Variants in NEB observed in about 807,000 individuals in gnomAD.
NEB encodes nemaline myopathy type 2.
A neutral mutation model predicts 952.2 loss-of-function variants in NEB; 512 were observed. The observed-to-expected ratio is 0.54, with a 90% CI of 0.50 to 0.58. The LOEUF is 0.58. Ranked by LOEUF, NEB falls within the 20% of genes least tolerant of loss-of-function variation. NEB has a pLI of 0.00. For missense variants in NEB, 8,428 were observed against 9,231.1 expected (o/e 0.91, Z 3.56); for synonymous variants, 2,900 against 3,149.8 (o/e 0.92, Z 2.66).
rs377336846 is a variant in NEB, at chr2:151,492,146, C to T, written c.25009G>A (p.Val8337Ile). The change falls in exon 178 of 182, where the codon GTA becomes ATA. Residue 8337 changes from valine to isoleucine, a missense_variant. Transcript: ENST00000397345. ...INYRGIQRKV[V>I]EMEQKRNDQD... ...TCATTCCGTTTTTGTTCCATTTCTACCACTTTCCTCTGAATACCTCGGTAG... is the reference window on the plus strand; with the variant it reads ...TCATTCCGTTTTTGTTCCATTTCTATCACTTTCCTCTGAATACCTCGGTAG... The T allele has an allele frequency of 8.7e-6, 14 of 1,613,804 alleles. No homozygotes were observed. The African/African-American group carries it at 9.3e-5, about 11-fold the overall frequency.
intron 32 of NEB, among the ~76,000 whole-genome samples, chr2:151,678,787 G>T (rs1476259040): frequency 6.6e-6 from 1 of 152,086 alleles, no homozygotes; most frequent in Non-Finnish European, 1.5e-5. Flanking sequence ...ATGAGGGAAG[G>T]TTCGTGGAAA....
At chr2:151,570,475 G>A in intron 108 of NEB, 22 bp downstream of exon 108, 1 of 1,583,060 alleles carries the variant, frequency 6.3e-7, no homozygotes, top group Non-Finnish European at 8.6e-7. Context: ...AAAAAACTGA[G>A]AAGTTAAAAA....
chr2:151,496,150 A>AAT, intron 173 of NEB, 126 bp downstream of exon 173: 3 of 1,133,238 alleles, frequency 2.6e-6, no homozygotes, highest in Non-Finnish European at 3.8e-6. Context: ...AAAAAGGGTA[A>AAT]ATTTGCTAAA....
chr2:151,710,758 C>T (rs1202288054), intron 10 of NEB, among the ~76,000 whole-genome samples: 3 of 152,164 alleles, frequency 2.0e-5, no homozygotes, highest in African/African-American at 7.2e-5. Context: ...GGTACTAACG[C>T]CCCCTCCCCT....
chr2:151,629,673 A>G, intron 67 of NEB, 27 bp from the exon 68 acceptor site: 6 of 1,581,496 alleles, frequency 3.8e-6, no homozygotes, highest in Non-Finnish European at 5.2e-6. Flanking sequence ...AAAGAGTTAA[A>G]GCAAAAGGTT....
At chr2:151,726,624 A>T (rs1577987388) in intron 5 of NEB, among the ~76,000 whole-genome samples, 1 of 152,342 alleles carries the variant, frequency 6.6e-6, no homozygotes, top group Admixed American at 6.5e-5. Flanking sequence ...TGAATCAGTC[A>T]GTGTAACTTA....
In NEB at chr2:151,554,030, A is replaced by G. The variant is rs758585933; in HGVS notation, c.19429-5T>C. 1.2e-5 allele frequency: 19 copies of G among 1,613,200 alleles called. No homozygotes were observed. Among genetic ancestry groups the G allele is most frequent in the East Asian group, 6.7e-5 (3 of 44,868 alleles). On this transcript the variant is annotated splice_region_variant and splice_polypyrimidine_tract_variant and intron_variant, in intron 125 of 181. Transcript: ENST00000397345. Reference sequence around the variant, plus strand: ...ATAAACTGATCTGTACAGGCGCTGTAAAGTTAAAATCACATGCCAGTTATA... The same window carrying G: ...ATAAACTGATCTGTACAGGCGCTGTGAAGTTAAAATCACATGCCAGTTATA...
intron 135 of NEB, among the ~76,000 whole-genome samples, chr2:151,543,861 C>T (rs550679734): frequency 1.3e-5 from 2 of 152,304 alleles, no homozygotes; most frequent in African/African-American, 4.8e-5. Flanking sequence ...ATTGCTTATG[C>T]TTCTTGGGAC....
chr2:151,506,119 T>C (rs983961083), intron 164 of NEB, 47 bp downstream of exon 164: 2 of 1,480,334 alleles, frequency 1.4e-6, no homozygotes, highest in Non-Finnish European at 1.9e-6. Flanking sequence ...TTGTAAATTA[T>C]CAAAGGGAGG....
intron 105 of NEB, among the ~76,000 whole-genome samples, chr2:151,578,725 G>GGGAA (rs1039402097): frequency 1.4e-5 from 2 of 146,688 alleles, no homozygotes; most frequent in African/African-American, 2.5e-5. Context: ...GAAGGAAGGA[G>GGGAA]GGAAGGAAGG....
Position 151,640,532 on chromosome 2 carries a change from A to G in NEB, c.8508T>C (p.Phe2836=). Residue 2836 remains phenylalanine (F), a synonymous_variant, in exon 61 of 182, where the codon TTT becomes TTC. Transcript: ENST00000397345. The part of the protein sequence containing the change: ...IQSDREYKKD[F]EKWKTKFSSP... The stretch of plus-strand genomic sequence containing the variant: ...TGCTGAACTTGGTCTTCCACTTCTC[A>G]AAGTCCTTCTTGTACTCCCTGTCAC... 1.2e-6 allele frequency: 2 copies of G among 1,613,832 alleles called. No homozygotes were observed.
At position 151,643,219 on chromosome 2, in the gene NEB, A is replaced by C; in HGVS notation, c.8091T>G (p.Phe2697Leu). 4 of 1,613,964 alleles carry C rather than the reference A, an allele frequency of 2.5e-6. No individual in the cohort carries two copies. The highest frequency in any genetic ancestry group is 2.5e-6 in the Non-Finnish European group (3 of 1,179,854). Residue 2697 changes from phenylalanine to leucine, a missense_variant, in exon 58 of 182, where the codon TTT (phenylalanine) becomes TTG (leucine). Physicochemically the swap from Phe to Leu is conservative, Grantham distance 22. This residue lies in a region of NEB where 1,772 missense variants were observed against 1,960.3 expected (regional missense o/e 0.90). Coordinates refer to ENST00000397345, the MANE Select transcript of NEB (RefSeq NM_001164508.2). ...TGGAATCCATAAGGCTGGAAAACTTAAATTGATCTGGGTGCTGACGGTAAA... is the reference window on the plus strand; with the variant it reads ...TGGAATCCATAAGGCTGGAAAACTTCAATTGATCTGGGTGCTGACGGTAAA... ...DHVYRQHPDQ[F>L]KFSSLMDSIP...
chr2:151,495,998 G>C (rs187180051), intron 173 of NEB, among the ~76,000 whole-genome samples: 1 of 152,146 alleles, frequency 6.6e-6, no homozygotes, highest in African/African-American at 2.4e-5. Context: ...AGAGACCTTG[G>C]GGGTAGTGGA....
chr2:151,489,519 T>A (rs1180153195), intron 181 of NEB, among the ~76,000 whole-genome samples: 2 of 152,212 alleles, frequency 1.3e-5, no homozygotes, highest in East Asian at 3.9e-4. Context: ...CCACCTCAAC[T>A]TCCTCAGTAG....
chr2:151,712,866 C>T (rs2150144601), intron 10 of NEB, among the ~76,000 whole-genome samples: 1 of 152,090 alleles, frequency 6.6e-6, no homozygotes, highest in African/African-American at 2.4e-5. Context: ...TTCAACCTTC[C>T]CAACATCCAA....
rs953645324 is a variant in NEB at position 151,733,811 on chromosome 2, G to T, written c.-113-16C>A. On this transcript the variant is annotated splice_polypyrimidine_tract_variant and intron_variant, in intron 1 of 181. Coordinates refer to ENST00000397345, the MANE Select transcript of NEB (RefSeq NM_001164508.2). ...TCGTTCAAACCTGAAAAATAACAAA[G>T]TTGTAAAGCATTGATTGAGGTACAT... 3 of 152,162 alleles carry T rather than the reference G, an allele frequency of 2.0e-5. No homozygotes were observed. Among genetic ancestry groups the T allele is most frequent in the African/African-American group, 7.2e-5 (3 of 41,432 alleles). The allele number at this position is 152,162 out of a possible 1,614,324, so 9.4% of individuals were successfully genotyped here. A position where few individuals can be genotyped will look rare whatever the true frequency, so the allele number is the denominator to read the frequency against.
chr2:151,722,443 G>A (rs1444988098), intron 9 of NEB, among the ~76,000 whole-genome samples: 1 of 151,686 alleles, frequency 6.6e-6, no homozygotes, highest in African/African-American at 2.4e-5. Flanking sequence ...TGGGATCACT[G>A]ATTTTTCACT....
chr2:151,646,159 C>A lies in NEB; in HGVS notation c.7507G>T (p.Ala2503Ser), dbSNP rs1395087522. The A allele has an allele frequency of 6.2e-7, 1 of 1,601,000 alleles. No homozygotes were observed. ...IMPDTPDIVL[A>S]KANLINTSDK... ...CTTGTGTTGATTAAGTTTGCTTTAGCCAGAACAATGTCAGGTGTATCAGGC... is the reference window on the plus strand; with the variant it reads ...CTTGTGTTGATTAAGTTTGCTTTAGACAGAACAATGTCAGGTGTATCAGGC... Residue 2503 changes from alanine to serine, a missense_variant, in exon 55 of 182, where the codon GCT becomes TCT. Transcript: ENST00000397345.
At position 151,666,269 on chromosome 2, in the gene NEB, A is replaced by C; in HGVS notation, c.4852T>G (p.Tyr1618Asp). ...IQSDREYKKG[Y>D]EASKTKYHTP... ...TGGTACTTGGTCTTGCTGGCTTCAT[A>C]GCCCTTTTTGTACTCACGATCAGAC... is the stretch of plus-strand genomic sequence containing the variant. The change falls in exon 41 of 182, where the codon TAT becomes GAT. Residue 1618 changes from tyrosine to aspartate, a missense_variant. Coordinates refer to ENST00000397345, the MANE Select transcript of NEB (RefSeq NM_001164508.2). 1.2e-6 allele frequency: 2 copies of C among 1,613,992 alleles called. No individual in the cohort carries two copies. Among genetic ancestry groups the C allele is most frequent in the African/African-American group, 1.3e-5 (1 of 75,058 alleles).
Sources: allele counts gnomAD v4.1 joint callset (sites outside exome capture counted in the v4.1 genomes callset), GRCh38; gene constraint gnomAD v4.1.1; regional missense constraint gnomAD v4.1.1; transcripts MANE v1.5; gene names NCBI Gene and HGNC (gene_info 2026-07-23, HGNC 2026-07-21).